Variants in MGAT3 observed in about 807,000 individuals in gnomAD.
The protein encoded by MGAT3 is GlcNAc-T III.
MGAT3 carries 9 observed loss-of-function variants against 29.8 expected under a neutral mutation model. The ratio of observed to expected loss-of-function variants is 0.30; its 90% CI spans 0.18 to 0.53. The LOEUF (loss-of-function observed/expected upper bound fraction) is 0.53, where lower values mean the gene tolerates loss of function less well. MGAT3 is among the 20% of genes least tolerant of loss of function. The pLI is 0.96. For missense variants in MGAT3, 557 were observed against 769.5 expected (o/e 0.72, Z 3.27); for synonymous variants, 397 against 348.9 (o/e 1.14, Z -1.54).
At chr22:39,473,772 T>C (rs1202614344) in intron 1 of MGAT3, among the ~76,000 whole-genome samples, 1 of 127,716 alleles carries the variant, frequency 7.8e-6, no homozygotes, top group East Asian at 2.6e-4. Context: ...GTCTCCAAGT[T>C]CCGGGTGATC....
At chr22:39,464,235 T>C (rs1455950930) in intron 1 of MGAT3, among the ~76,000 whole-genome samples, 1 of 152,166 alleles carries the variant, frequency 6.6e-6, no homozygotes, top group Non-Finnish European at 1.5e-5. Context: ...GGCAAATCTC[T>C]CGTGGTGAGT....
rs750142759 is a variant in MGAT3, at chr22:39,487,633, G to C, written c.286G>C (p.Val96Leu). 11 of 1,611,478 alleles carry C rather than the reference G, an allele frequency of 6.8e-6. 1 individual carries two copies. The South Asian group carries it at 7.7e-5, about 11-fold the overall frequency. ...CAAGGCGGCCGAGGAGCTCCACCGG[G>C]TGGACTTGGTGCTGCCCGAGGACAC... ...PSKAAEELHR[V>L]DLVLPEDTTE... The change falls in exon 2 of 2, where the codon GTG becomes CTG. Residue 96 changes from valine to leucine, a missense_variant. By Grantham distance (32) the Val-to-Leu change is conservative (BLOSUM62 1). Transcript: ENST00000341184. The surrounding 1 kb of genome is among the most constrained non-coding windows in gnomAD (Gnocchi z 5.7).
intron 1 of MGAT3, among the ~76,000 whole-genome samples, chr22:39,466,229 G>A (rs943297314): frequency 1.3e-5 from 2 of 152,160 alleles, no homozygotes; most frequent in Admixed American, 6.5e-5. Context: ...GGAGACAGCC[G>A]GCTCCTGCTT....
chr22:39,483,655 T>C (rs958774823), intron 1 of MGAT3, among the ~76,000 whole-genome samples: 3 of 152,208 alleles, frequency 2.0e-5, no homozygotes, highest in Non-Finnish European at 4.4e-5. Flanking sequence ...ACAGCACTCC[T>C]AGCCCCTTTT....
Position 39,488,325 on chromosome 22 carries a change from C to T in MGAT3, c.978C>T (p.Gly326=). ...DDADEIPARD[G]VLFLKLYDGW... is the part of the protein sequence containing the mutation. ...CGGACGAGATCCCGGCCCGTGACGG[C>T]GTCCTTTTCCTCAAGCTCTACGATG... Residue 326 remains glycine, a synonymous_variant, in exon 2 of 2, where the codon GGC becomes GGT. Transcript: ENST00000341184. 3.7e-6 allele frequency: 6 copies of T among 1,612,172 alleles called. No homozygotes were observed. The South Asian group carries it at 5.5e-5, about 15-fold the overall frequency.
chr22:39,478,736 C>T (rs1015452269), intron 1 of MGAT3, among the ~76,000 whole-genome samples: 1 of 152,236 alleles, frequency 6.6e-6, no homozygotes, highest in African/African-American at 2.4e-5. Context: ...GAGCACCTCC[C>T]TTCTCCCTGG....
intron 1 of MGAT3, among the ~76,000 whole-genome samples, chr22:39,467,675 T>G (rs1477808410): frequency 6.6e-6 from 1 of 151,484 alleles, no homozygotes; most frequent in Non-Finnish European, 1.5e-5. Flanking sequence ...CGTTTCGTTT[T>G]GTTTCATTTC....
intron 1 of MGAT3, among the ~76,000 whole-genome samples, chr22:39,458,389 C>T (rs1928402364): frequency 6.6e-6 from 1 of 152,162 alleles, no homozygotes; most frequent in African/African-American, 2.4e-5. Context: ...GGCAGACACA[C>T]TACCCCAGTG....
At chr22:39,481,902 G>C (rs1395160563) in intron 1 of MGAT3, among the ~76,000 whole-genome samples, 2 of 152,204 alleles carry the variant, frequency 1.3e-5, no homozygotes, top group Admixed American at 1.3e-4. Context: ...TGTCTGGCAT[G>C]TCAGCCTCAG....
At position 39,489,001 on chromosome 22, in the gene MGAT3, T is replaced by A; in HGVS notation, c.*52T>A. The A allele has an allele frequency of 6.6e-7, 1 of 1,524,318 alleles. No homozygotes were observed. Among genetic ancestry groups the A allele is most frequent in the Non-Finnish European group, 8.8e-7 (1 of 1,137,440 alleles). 94.4% of individuals were successfully genotyped at this position (1,524,318 alleles called of 1,614,324 possible). ...ACAGGGCGGGGGTGGCGGCGGCCCC[T>A]AGCGCTATCTCCCTGCCTCCTGCCG... On this transcript the variant is annotated 3_prime_UTR_variant, in exon 2 of 2. Coordinates refer to ENST00000341184, the MANE Select transcript of MGAT3 (RefSeq NM_002409.5).
chr22:39,483,287 G>A (rs1929179626), intron 1 of MGAT3, among the ~76,000 whole-genome samples: 1 of 152,160 alleles, frequency 6.6e-6, no homozygotes. Flanking sequence ...CTGAGGTCAG[G>A]AGTTCGAGAC....
chr22:39,478,788 A>T (rs1199770855), intron 1 of MGAT3, among the ~76,000 whole-genome samples: 1 of 152,198 alleles, frequency 6.6e-6, no homozygotes, highest in Non-Finnish European at 1.5e-5. Context: ...CCTGACTATG[A>T]GGTCATGGCT....
intron 1 of MGAT3, among the ~76,000 whole-genome samples, chr22:39,470,111 G>C (rs1928767011): frequency 6.6e-6 from 1 of 152,234 alleles, no homozygotes; most frequent in Non-Finnish European, 1.5e-5. Flanking sequence ...AGTGGCGACC[G>C]AGGCCTGTGG....
intron 1 of MGAT3, among the ~76,000 whole-genome samples, chr22:39,473,492 C>T (rs1928868356): frequency 6.6e-6 from 1 of 152,218 alleles, no homozygotes; most frequent in Non-Finnish European, 1.5e-5. Flanking sequence ...GTGGAGCCCT[C>T]ACGGCCTAAT....
chr22:39,459,349 C>G (rs1010481176), intron 1 of MGAT3, among the ~76,000 whole-genome samples: 3 of 152,236 alleles, frequency 2.0e-5, no homozygotes, highest in African/African-American at 7.2e-5. Flanking sequence ...GCTGGGATTA[C>G]AGGCGTGAGC....
chr22:39,489,668 T>C lies in MGAT3; in HGVS notation c.*719T>C, dbSNP rs190915821. 291 of 167,576 alleles carry C rather than the reference T, an allele frequency of 1.7e-3. 2 individuals are homozygous for C. Among genetic ancestry groups the C allele is most frequent in the Non-Finnish European group, 5.9e-5 (4 of 68,338 alleles). 10.4% of individuals were successfully genotyped at this position (167,576 alleles called of 1,614,324 possible). On this transcript the variant is annotated 3_prime_UTR_variant, in exon 2 of 2. Coordinates refer to ENST00000341184, the MANE Select transcript of MGAT3 (RefSeq NM_002409.5). ...GGGCCTGGAGAACCCTGAGGAGCTT[T>C]CCTTTTGGTTCTAAACCCGGCGTTG...
At position 39,458,099 on chromosome 22, in the gene MGAT3, AGGGCCCCCGGCCATTTACCGGGGTGG is replaced by A. The variant is rs1030916619; in HGVS notation, c.-2+554_-2+579del. Among the ~76,000 whole-genome samples the A allele has an allele frequency of 1.1e-4, 17 of 152,080 alleles. No homozygotes were observed. In the East Asian group the frequency reaches 2.5e-3, roughly 23 times the overall value. On this transcript the variant is annotated intron_variant, in intron 1 of 1. Transcript: ENST00000341184. ...GGACCAGGCAGAGGCAAATGTGGAGAGGGCCCCCGGCCATTTACCGGGGTGGGGGCCCCCGGCTCCTTGCATTGCTC... is the reference window on the plus strand; with the variant it reads ...GGACCAGGCAGAGGCAAATGTGGAGAGGGCCCCCGGCTCCTTGCATTGCTC...
intron 1 of MGAT3, among the ~76,000 whole-genome samples, chr22:39,471,647 CCT>C: frequency 6.6e-6 from 1 of 152,244 alleles, no homozygotes; most frequent in East Asian, 1.9e-4. Context: ...TGGGAGTCCC[CCT>C]GTCCCCCACA....
At position 39,487,962 on chromosome 22, in the gene MGAT3, G is replaced by A. The variant is rs1446059301; in HGVS notation, c.615G>A (p.Pro205=). The A allele has an allele frequency of 1.2e-6, 2 of 1,611,284 alleles. No individual in the cohort carries two copies. Residue 205 remains proline (P), a synonymous_variant, in exon 2 of 2, where the codon CCG becomes CCA. Coordinates refer to ENST00000341184, the MANE Select transcript of MGAT3 (RefSeq NM_002409.5). This position sits in a 1 kb window ranked among gnomAD's most constrained non-coding sequence, Gnocchi z 5.7. ...AGCGGCTGGTGCCCAGGGAGGTGCC[G>A]CGCCGCGTCATCAACGCCATCAACG... ...TKERLVPREV[P]RRVINAINVN... is the part of the protein sequence containing the mutation.
Sources: gnomAD v4.1 joint callset for allele counts (sites outside exome capture counted in the v4.1 genomes callset) on GRCh38, gnomAD v4.1.1 for gene constraint, Gnocchi (gnomAD v3.1) non-coding constraint, MANE v1.5 for transcripts, NCBI Gene and HGNC (gene_info 2026-07-23, HGNC 2026-07-21) for gene names.